Variants in SCML2 observed in about 807,000 individuals in gnomAD.
SCML2 encodes the protein Scm polycomb group protein like 2.
In SCML2, 6 loss-of-function variants were observed where a neutral mutation model predicts 48.4. That is an observed-to-expected ratio of 0.12 (90% CI 0.07 to 0.24). SCML2 has a LOEUF of 0.24. SCML2 is among the 10% of genes least tolerant of loss of function. SCML2 has a pLI of 1.00. For missense variants in SCML2, 377 were observed against 528.2 expected (o/e 0.71, Z 2.81); for synonymous variants, 181 against 189.5 (o/e 0.95, Z 0.37).
intron 11 of SCML2, 31 bp from the exon 12 acceptor site, chrX:18,247,913 A>G: frequency 9.8e-7 from 1 of 1,017,977 alleles, no homozygotes; most frequent in Middle Eastern, 2.7e-4. Context: ...GTTGTCTGTT[A>G]TAACGAACTA....
chrX:18,310,494 G>C (rs1171407481), intron 6 of SCML2, among the ~76,000 whole-genome samples: 1 of 110,539 alleles, frequency 9.0e-6, no homozygotes, highest in Non-Finnish European at 1.9e-5. Flanking sequence ...TCGAACTCCT[G>C]ACCTCAGGTG....
In SCML2 at chrX:18,262,631, A is replaced by G. The variant is rs770952102; in HGVS notation, c.949-2340T>C. 1.3e-4 allele frequency among the ~76,000 whole-genome samples: 13 copies of G among 102,952 alleles called. No individual in the cohort carries two copies. In the South Asian group the frequency reaches 5.4e-3, roughly 43 times the overall value. 89.4% of individuals were successfully genotyped at this position (102,952 alleles called of 115,157 possible). A position where few individuals can be genotyped will look rare whatever the true frequency, so the allele number is the denominator to read the frequency against. ...GCTGGGATTACAGGCGTGAGCCACC[A>G]CGCCTGGCTGGGTCTACTATTTCAT... is the stretch of plus-strand genomic sequence containing the variant. On this transcript the variant is annotated intron_variant, in intron 8 of 14. Transcript: ENST00000251900.
At chrX:18,265,479 T>G (rs918729663) in intron 8 of SCML2, 106 bp downstream of exon 8, 21 of 603,396 alleles carry the variant, frequency 3.5e-5, no homozygotes, top group Non-Finnish European at 7.9e-6. Context: ...CTTAGTACAT[T>G]TCTAAAGACC....
At chrX:18,286,575 C>A (rs1161280417) in intron 7 of SCML2, among the ~76,000 whole-genome samples, 1 of 111,203 alleles carries the variant, frequency 9.0e-6, no homozygotes, top group Non-Finnish European at 1.9e-5. Context: ...AGTAGCTGAC[C>A]GTCAGAAACA....
chrX:18,249,566 T>A (rs975310327), intron 11 of SCML2, among the ~76,000 whole-genome samples: 9 of 111,497 alleles, frequency 8.1e-5, no homozygotes, highest in Admixed American at 4.8e-4. Flanking sequence ...ACTGTTTAAC[T>A]TTGCAGCTGC....
In SCML2 at chrX:18,333,948, T is replaced by C; in HGVS notation, c.22+102A>G. ...CTAAGCACCTAGCATCTCCTATAAA[T>C]TTATTTTTTAAAGGCTTTATTTCAA... On this transcript the variant is annotated intron_variant, in intron 2 of 14. Transcript: ENST00000251900. 2 of 744,841 alleles carry C rather than the reference T, an allele frequency of 2.7e-6. 1 individual carries two copies. The highest frequency in any genetic ancestry group is 6.5e-5 in the South Asian group (2 of 30,553). 61.4% of individuals were successfully genotyped at this position (744,841 alleles called of 1,213,427 possible). A position where few individuals can be genotyped will look rare whatever the true frequency, so the allele number is the denominator to read the frequency against.
intron 1 of SCML2, among the ~76,000 whole-genome samples, chrX:18,346,122 A>C (rs898720661): frequency 1.8e-5 from 2 of 110,553 alleles, no homozygotes; most frequent in African/African-American, 6.6e-5. Flanking sequence ...TGCAATATCA[A>C]ATCAGCTGTC....
Position 18,354,661 on chromosome X carries a change from A to ACCG in SCML2, c.-97_-95dup, listed in dbSNP as rs1930486606. On this transcript the variant is annotated 5_prime_UTR_variant, in exon 1 of 15. Transcript: ENST00000251900. The stretch of plus-strand genomic sequence containing the variant: ...CGCGCGAGCCGGCACCGAGCTTCAC[A>ACCG]CCGCCGCCGCCATGTTTGAGAAGCC... 3 of 283,726 alleles carry ACCG rather than the reference A, an allele frequency of 1.1e-5. No individual in the cohort carries two copies. The highest frequency in any genetic ancestry group is 1.3e-4 in the Admixed American group (2 of 15,931). 23.4% of individuals were successfully genotyped at this position (283,726 alleles called of 1,213,427 possible).
At position 18,347,249 on chromosome X, in the gene SCML2, A is replaced by T. The variant is rs1930225997; in HGVS notation, c.-25+7343T>A. Reference sequence around the variant, plus strand: ...CACCTGAGGTCAAGAGTTTGAGACCAGACTGGCCAACATGGTAAAACCCCG... The same window carrying T: ...CACCTGAGGTCAAGAGTTTGAGACCTGACTGGCCAACATGGTAAAACCCCG... On this transcript the variant is annotated intron_variant, in intron 1 of 14. Transcript: ENST00000251900. Among the ~76,000 whole-genome samples the T allele has an allele frequency of 2.7e-5, 3 of 110,179 alleles. No individual in the cohort carries two copies. The South Asian group carries it at 1.2e-3, about 43-fold the overall frequency.
intron 7 of SCML2, among the ~76,000 whole-genome samples, chrX:18,300,950 A>G (rs1928567772): frequency 8.9e-6 from 1 of 111,876 alleles, no homozygotes. Flanking sequence ...AAATAGATAA[A>G]GCAGAAAGCA....
chrX:18,283,320 T>C (rs1927929408), intron 7 of SCML2, among the ~76,000 whole-genome samples: 1 of 111,982 alleles, frequency 8.9e-6, no homozygotes, highest in African/African-American at 3.2e-5. Context: ...GTGCCATCTA[T>C]GACAAACCCA....
chrX:18,265,239 C>T (rs1458151733), intron 8 of SCML2, among the ~76,000 whole-genome samples: 3 of 111,996 alleles, frequency 2.7e-5, no homozygotes, highest in Non-Finnish European at 5.6e-5. Context: ...TCTCTCCCTG[C>T]CCCAGTTTAT....
intron 6 of SCML2, among the ~76,000 whole-genome samples, chrX:18,312,656 T>A (rs1928990056): frequency 1.8e-5 from 2 of 109,939 alleles, no homozygotes; most frequent in African/African-American, 3.3e-5. Context: ...ATGGACCAGA[T>A]GTAGGGTGTG....
chrX:18,297,384 T>C (rs759315707), intron 7 of SCML2, among the ~76,000 whole-genome samples: 1 of 111,935 alleles, frequency 8.9e-6, no homozygotes, highest in South Asian at 3.7e-4. Context: ...CCAGAGCAAT[T>C]AGGCAAGAGA....
chrX:18,322,610 T>C (rs1929355046), intron 5 of SCML2, among the ~76,000 whole-genome samples: 1 of 112,071 alleles, frequency 8.9e-6, no homozygotes, highest in South Asian at 3.7e-4. Context: ...TAAAAATATT[T>C]TAGCCGGGCA....
intron 7 of SCML2, among the ~76,000 whole-genome samples, chrX:18,291,706 T>C (rs985689804): frequency 1.8e-5 from 2 of 111,215 alleles, no homozygotes; most frequent in Admixed American, 9.6e-5. Flanking sequence ...CCAGTGTTTT[T>C]AAGAAATATT....
At chrX:18,278,904 C>T (rs1927733550) in intron 7 of SCML2, among the ~76,000 whole-genome samples, 1 of 112,881 alleles carries the variant, frequency 8.9e-6, no homozygotes, top group African/African-American at 3.2e-5. Flanking sequence ...ACCCTCAGAG[C>T]CCTGAGAGGG....
intron 7 of SCML2, among the ~76,000 whole-genome samples, chrX:18,290,963 G>T (rs1255732174): frequency 9.0e-6 from 1 of 111,337 alleles, no homozygotes; most frequent in Non-Finnish European, 1.9e-5. Flanking sequence ...ATGGCAATAT[G>T]AGGGAAAAAA....
chrX:18,287,286 C>T (rs772086017), intron 7 of SCML2, among the ~76,000 whole-genome samples: 189 of 111,734 alleles, frequency 1.7e-3, no homozygotes, highest in Non-Finnish European at 2.3e-3. Context: ...TACGTCTTTT[C>T]CAGCAGCTTT....
Sources: allele counts gnomAD v4.1 joint callset (sites outside exome capture counted in the v4.1 genomes callset), GRCh38; gene constraint gnomAD v4.1.1; transcripts MANE v1.5; gene names NCBI Gene and HGNC (gene_info 2026-07-23, HGNC 2026-07-21).